C2orf80: variants seen among roughly 807,000 people sequenced by gnomAD.
The protein encoded by C2orf80 is chromosome 2 open reading frame 80.
A neutral mutation model predicts 30.2 loss-of-function variants in C2orf80; 28 were observed. That is an observed-to-expected ratio of 0.93 (90% CI 0.69 to 1.27). C2orf80 has a LOEUF of 1.27. Among genes scored for constraint, C2orf80 ranks in the 50% most tolerant of loss-of-function variants. C2orf80 has a pLI of 0.00. For synonymous variants in C2orf80, 80 were observed against 76.4 expected (o/e 1.05, Z -0.24); for missense variants, 220 against 231.0 (o/e 0.95, Z 0.31).
rs1480871289 is a variant in C2orf80 at position 208,177,148 on chromosome 2, A to ATATATACATACATATATATAT, written c.366+3596_366+3597insATATATATATGTATGTATATA. 4.1e-5 allele frequency among the ~76,000 whole-genome samples: 6 copies of ATATATACATACATATATATAT among 147,184 alleles called. No homozygotes were observed. In the East Asian group the frequency reaches 9.8e-4, roughly 24 times the overall value. ...TTATATATATACATACATATATATT[A>ATATATACATACATATATATAT]TATATAGTGTGTGCATATATATGTG... is the stretch of plus-strand genomic sequence containing the variant. On this transcript the variant is annotated intron_variant, in intron 6 of 8. Transcript: ENST00000341287.
At chr2:208,177,014 GA>G (rs1696370301) in intron 6 of C2orf80, among the ~76,000 whole-genome samples, 2 of 31,252 alleles carry the variant, frequency 6.4e-5, no homozygotes, top group African/African-American at 2.2e-4. Context: ...CATATATACA[GA>G]TACATATATA....
intron 8 of C2orf80, among the ~76,000 whole-genome samples, chr2:208,169,734 AG>A (rs1696034493): frequency 6.6e-6 from 1 of 151,900 alleles, no homozygotes; most frequent in African/African-American, 2.4e-5. Flanking sequence ...AAAAAGGAAA[AG>A]AAAAAAAGAA....
chr2:208,183,557 G>A (rs771026744), intron 3 of C2orf80, among the ~76,000 whole-genome samples: 9 of 152,084 alleles, frequency 5.9e-5, no homozygotes, highest in Non-Finnish European at 7.4e-5. Flanking sequence ...GGGGTACAGG[G>A]GCAGTGTGGT....
In C2orf80 at chr2:208,165,769, G is replaced by T. The variant is rs756670088; in HGVS notation, c.*38C>A. 8 of 1,612,112 alleles carry T rather than the reference G, an allele frequency of 5.0e-6. No homozygotes were observed. The Admixed American group carries it at 1.0e-4, about 20-fold the overall frequency. On this transcript the variant is annotated 3_prime_UTR_variant, in exon 9 of 9. Transcript: ENST00000341287. ...ATGATGCTTCTCGTCTGCTCCCAGA[G>T]AATCTATTATGAAGTTCCATGGTAC...
intron 8 of C2orf80, among the ~76,000 whole-genome samples, chr2:208,167,338 A>G (rs1695928119): frequency 6.6e-6 from 1 of 151,886 alleles, no homozygotes; most frequent in African/African-American, 2.4e-5. Context: ...GCTGACCAAC[A>G]TGGTGAAACC....
chr2:208,171,114 G>T (rs1027267473), intron 7 of C2orf80, 51 bp from the exon 8 acceptor site: 1 of 1,218,868 alleles, frequency 8.2e-7, no homozygotes, highest in Non-Finnish European at 1.2e-6. Context: ...TTTTAAAAAT[G>T]TGTCCATCCA....
intron 6 of C2orf80, among the ~76,000 whole-genome samples, chr2:208,172,682 T>C (rs771290192): frequency 7.2e-5 from 11 of 152,190 alleles, no homozygotes; most frequent in Non-Finnish European, 1.2e-4. Context: ...CTGGTAGAAA[T>C]AGAATTGGTA....
intron 2 of C2orf80, 53 bp downstream of exon 2, chr2:208,186,893 A>T: frequency 6.6e-7 from 1 of 1,506,852 alleles, no homozygotes. Flanking sequence ...TATGACATGA[A>T]ATCCACCGAA....
intron 6 of C2orf80, among the ~76,000 whole-genome samples, chr2:208,176,927 A>AGATCTG (rs1559340300): frequency 1.0e-5 from 1 of 98,594 alleles, no homozygotes; most frequent in Non-Finnish European, 2.3e-5. Context: ...ATCTGTATAC[A>AGATCTG]TATGTATACA....
At chr2:208,169,259 A>G (rs1021304450) in intron 8 of C2orf80, among the ~76,000 whole-genome samples, 6 of 31,622 alleles carry the variant, frequency 1.9e-4, no homozygotes, top group Non-Finnish European at 5.6e-4. Context: ...GATTAAGTTT[A>G]AAGTCTAGAT....
chr2:208,168,235 G>A (rs1695964704), intron 8 of C2orf80: 1 of 178,736 alleles, frequency 5.6e-6, no homozygotes. Context: ...AATATTAACA[G>A]TGGTTATTTC....
intron 2 of C2orf80, among the ~76,000 whole-genome samples, chr2:208,186,232 T>C (rs556430156): frequency 6.6e-6 from 1 of 152,346 alleles, no homozygotes; most frequent in South Asian, 2.1e-4. Context: ...TAGTATTTCT[T>C]AAAGGCTTGT....
Position 208,180,804 on chromosome 2 carries a change from T to G in C2orf80, c.307A>C (p.Ile103Leu). ...CCATAAATTTTAAAGACTTCCTCAATCGGGATACTGTTCTGTTAAACAACA... is the reference window on the plus strand; with the variant it reads ...CCATAAATTTTAAAGACTTCCTCAAGCGGGATACTGTTCTGTTAAACAACA... ...YAGILMNSIP[I>L]EEVFKIYGAD... The change falls in exon 6 of 9, where the codon ATT becomes CTT. Residue 103 changes from isoleucine (I) to leucine (L), a missense_variant. By Grantham distance (5) the Ile-to-Leu change is conservative. Transcript: ENST00000341287. The G allele has an allele frequency of 3.1e-6, 5 of 1,613,406 alleles. No individual in the cohort carries two copies. Among genetic ancestry groups the G allele is most frequent in the Non-Finnish European group, 3.4e-6 (4 of 1,179,568 alleles).
At chr2:208,172,208 A>T in intron 6 of C2orf80, 133 bp from the exon 7 acceptor site, 1 of 759,614 alleles carries the variant, frequency 1.3e-6, no homozygotes, top group East Asian at 2.5e-5. Flanking sequence ...TCCAACGGAC[A>T]CACTGTCCAC....
chr2:208,165,894 G>T (rs2105885773), intron 8 of C2orf80, 79 bp from the exon 9 acceptor site: 1 of 946,378 alleles, frequency 1.1e-6, no homozygotes, highest in Non-Finnish European at 1.6e-6. Flanking sequence ...TCTATAGGAA[G>T]TTAAGGTCAA....
At chr2:208,173,474 A>C (rs1383240718) in intron 6 of C2orf80, among the ~76,000 whole-genome samples, 1 of 151,948 alleles carries the variant, frequency 6.6e-6, no homozygotes, top group African/African-American at 2.4e-5. Flanking sequence ...AATACAAAAA[A>C]ATTAGCCAGG....
Position 208,181,294 on chromosome 2 carries a change from A to T in C2orf80, c.218T>A (p.Leu73His). The T allele has an allele frequency of 6.2e-7, 1 of 1,606,798 alleles. No homozygotes were observed. Among genetic ancestry groups the T allele is most frequent in the Non-Finnish European group, 8.5e-7 (1 of 1,173,514 alleles). Reference protein sequence around the residue: ...WLEWEELKIPLHGRPIYPNRR... With the variant: ...WLEWEELKIPHHGRPIYPNRR... ...ATTTGGATATATGGGTCTGCCATGGAGTGGTATTTTCCTAATGGGGAATAG... is the reference window on the plus strand; with the variant it reads ...ATTTGGATATATGGGTCTGCCATGGTGTGGTATTTTCCTAATGGGGAATAG... The change falls in exon 5 of 9, where the codon CTC (leucine) becomes CAC (histidine). Residue 73 changes from leucine (L) to histidine (H), a missense_variant. Leu to His is a moderately conservative substitution (Grantham distance 99). Coordinates refer to ENST00000341287, the MANE Select transcript of C2orf80 (RefSeq NM_001099334.3).
At chr2:208,189,303 C>T (rs2105917689) in intron 1 of C2orf80, among the ~76,000 whole-genome samples, 1 of 152,238 alleles carries the variant, frequency 6.6e-6, no homozygotes, top group African/African-American at 2.4e-5. Context: ...ATGACAGCTT[C>T]GTCTTAGATC....
intron 2 of C2orf80, among the ~76,000 whole-genome samples, chr2:208,186,428 C>G (rs900068367): frequency 6.6e-6 from 1 of 152,144 alleles, no homozygotes; most frequent in Admixed American, 6.5e-5. Context: ...CAAAGAAACA[C>G]TGCCATGGGA....
Sources: allele counts gnomAD v4.1 joint callset (sites outside exome capture counted in the v4.1 genomes callset), GRCh38; gene constraint gnomAD v4.1.1; transcripts MANE v1.5; gene names NCBI Gene and HGNC (gene_info 2026-07-23, HGNC 2026-07-21).